Variants in CAMK2D observed in about 807,000 individuals in gnomAD.
CAMK2D encodes calcium/calmodulin-dependent protein kinase type II subunit delta.
A neutral mutation model predicts 84.0 loss-of-function variants in CAMK2D; 37 were observed. The ratio of observed to expected loss-of-function variants is 0.44; its 90% CI spans 0.34 to 0.58. The LOEUF (loss-of-function observed/expected upper bound fraction) is 0.58. Ranked by LOEUF, CAMK2D falls within the 20% of genes least tolerant of loss-of-function variation. The probability of loss-of-function intolerance (pLI) is 0.02; values close to 1 mark genes in which losing one functional copy is unlikely to be tolerated. For missense variants in CAMK2D, 448 were observed against 652.5 expected (o/e 0.69, Z 3.41); for synonymous variants, 202 against 212.5 (o/e 0.95, Z 0.43).
intron 2 of CAMK2D, chr4:113,679,570 T>C (rs533349168): frequency 7.2e-6 from 3 of 414,212 alleles, no homozygotes; most frequent in Admixed American, 6.4e-5. Context: ...TAACCATGGG[T>C]AGAGAAAAAG....
chr4:113,579,199 G>C lies in CAMK2D; in HGVS notation c.276-27103C>G, dbSNP rs546653810. ...ATTTTTCTGTAAGCAGAAATGGCTA[G>C]ACAGGTGCTATATTATAGTTGAGTC... On this transcript the variant is annotated intron_variant, in intron 4 of 20. Transcript: ENST00000511664. Among the ~76,000 whole-genome samples, 39 of 152,322 alleles carry C rather than the reference G, an allele frequency of 2.6e-4. 2 individuals are homozygous for C. The highest frequency in any genetic ancestry group is 9.4e-4 in the African/African-American group (39 of 41,562).
intron 3 of CAMK2D, among the ~76,000 whole-genome samples, chr4:113,631,327 A>T (rs2154286858): frequency 6.6e-6 from 1 of 152,320 alleles, no homozygotes; most frequent in East Asian, 1.9e-4. Flanking sequence ...AGCCTGGGCA[A>T]CATGGCAAAA....
chr4:113,597,407 T>A (rs2098932187), intron 4 of CAMK2D, among the ~76,000 whole-genome samples: 1 of 152,234 alleles, frequency 6.6e-6, no homozygotes, highest in Non-Finnish European at 1.5e-5. Context: ...CTGCGCTTTT[T>A]TGTTATGGAC....
chr4:113,628,163 T>C (rs1030081363), intron 3 of CAMK2D, among the ~76,000 whole-genome samples: 2 of 152,206 alleles, frequency 1.3e-5, no homozygotes, highest in African/African-American at 4.8e-5. Context: ...ATCTACTTTA[T>C]AAGTTTGCAT....
intron 4 of CAMK2D, among the ~76,000 whole-genome samples, chr4:113,577,367 G>A (rs1037031106): frequency 1.3e-5 from 2 of 151,996 alleles, no homozygotes; most frequent in Non-Finnish European, 2.9e-5. Context: ...CATATTTTGG[G>A]TTCTCTATTC....
chr4:113,527,874 T>C (rs1409471497), intron 8 of CAMK2D, among the ~76,000 whole-genome samples: 1 of 152,170 alleles, frequency 6.6e-6, no homozygotes, highest in Non-Finnish European at 1.5e-5. Context: ...ATCTATCACC[T>C]CACTTGTCTA....
chr4:113,739,530 A>G (rs1381588264), intron 2 of CAMK2D, among the ~76,000 whole-genome samples: 1 of 152,186 alleles, frequency 6.6e-6, no homozygotes, highest in Non-Finnish European at 1.5e-5. Flanking sequence ...ATCTACATCA[A>G]TAGTCTAAAA....
chr4:113,553,176 T>C (rs914317421), intron 4 of CAMK2D, among the ~76,000 whole-genome samples: 11 of 152,128 alleles, frequency 7.2e-5, no homozygotes, highest in African/African-American at 2.7e-4. Flanking sequence ...GCAATTCCCC[T>C]CCCAGTTTAT....
At position 113,744,132 on chromosome 4, in the gene CAMK2D, A is replaced by G. The variant is rs1459247449; in HGVS notation, c.160+15188T>C. Among the ~76,000 whole-genome samples, 4 of 152,036 alleles carry G rather than the reference A, an allele frequency of 2.6e-5. No homozygotes were observed. The East Asian group carries it at 7.7e-4, about 29-fold the overall frequency. The stretch of plus-strand genomic sequence containing the variant: ...TGGGATTACAGGCGTGAGCCACCAC[A>G]CCCAGCCCCCTATTTTGTTAAACAA... On this transcript the variant is annotated intron_variant, in intron 2 of 20. Coordinates refer to ENST00000511664, the MANE Select transcript of CAMK2D (RefSeq NM_001321571.2).
At chr4:113,466,857 A>C (rs1161584656) in intron 16 of CAMK2D, among the ~76,000 whole-genome samples, 1 of 152,224 alleles carries the variant, frequency 6.6e-6, no homozygotes, top group Admixed American at 6.5e-5. Context: ...CTTTAGTTTA[A>C]AACACATTAT....
intron 6 of CAMK2D, among the ~76,000 whole-genome samples, chr4:113,542,753 C>T (rs974534184): frequency 2.6e-5 from 4 of 152,108 alleles, no homozygotes; most frequent in African/African-American, 4.8e-5. Flanking sequence ...TTCTCATCTC[C>T]CCCCTTCCCT....
intron 2 of CAMK2D, among the ~76,000 whole-genome samples, chr4:113,741,902 C>T (rs991335652): frequency 1.3e-5 from 2 of 152,148 alleles, no homozygotes; most frequent in East Asian, 1.9e-4. Context: ...GTTCTTTCTT[C>T]GTATTTTCTC....
intron 2 of CAMK2D, among the ~76,000 whole-genome samples, chr4:113,701,357 T>G (rs1289588448): frequency 1.3e-5 from 2 of 152,212 alleles, no homozygotes; most frequent in Non-Finnish European, 2.9e-5. Flanking sequence ...CCATTGAAGG[T>G]TGGATTCTCC....
At position 113,451,256 on chromosome 4, in the gene CAMK2D, C is replaced by T. The variant is rs1035477103; in HGVS notation, c.*3289G>A. The T allele has an allele frequency of 4.6e-5, 7 of 152,168 alleles. No homozygotes were observed. The highest frequency in any genetic ancestry group is 7.4e-5 in the Non-Finnish European group (5 of 68,026). The allele number at this position is 152,168 out of a possible 1,614,324, so 9.4% of individuals were successfully genotyped here. A position where few individuals can be genotyped will look rare whatever the true frequency, so the allele number is the denominator to read the frequency against. ...GGTGTCTCTCAGCCTTCTGCTGAGA[C>T]ATTTGAGTCCGAGTATATCCTCAGC... is the stretch of plus-strand genomic sequence containing the variant. On this transcript the variant is annotated 3_prime_UTR_variant, in exon 21 of 21. Coordinates refer to ENST00000511664, the MANE Select transcript of CAMK2D (RefSeq NM_001321571.2).
At chr4:113,690,686 G>C (rs532260022) in intron 2 of CAMK2D, among the ~76,000 whole-genome samples, 1 of 152,244 alleles carries the variant, frequency 6.6e-6, no homozygotes, top group East Asian at 1.9e-4. Flanking sequence ...AATATCTCAT[G>C]CTTTCTTACT....
chr4:113,463,714 G>A (rs2097421626), intron 17 of CAMK2D, among the ~76,000 whole-genome samples: 1 of 152,142 alleles, frequency 6.6e-6, no homozygotes, highest in Non-Finnish European at 1.5e-5. Flanking sequence ...TAATAATTAT[G>A]TACATAGTCT....
intron 2 of CAMK2D, among the ~76,000 whole-genome samples, chr4:113,716,031 CT>C (rs979332630): frequency 1.8e-4 from 28 of 152,266 alleles, no homozygotes; most frequent in Admixed American, 1.2e-3. Flanking sequence ...TACTAGGCTT[CT>C]AAGTATGTAT....
At chr4:113,466,693 T>C (rs916875395) in intron 16 of CAMK2D, among the ~76,000 whole-genome samples, 28 of 152,192 alleles carry the variant, frequency 1.8e-4, no homozygotes, top group African/African-American at 5.5e-4. Context: ...TAGCCCATAA[T>C]TGGTGAAATT....
intron 8 of CAMK2D, among the ~76,000 whole-genome samples, chr4:113,518,942 T>C (rs2098322386): frequency 6.6e-6 from 1 of 151,990 alleles, no homozygotes; most frequent in Non-Finnish European, 1.5e-5. Context: ...TAAAAAATTT[T>C]AAACAACATT....
Sources: allele counts gnomAD v4.1 joint callset (sites outside exome capture counted in the v4.1 genomes callset), GRCh38; gene constraint gnomAD v4.1.1; transcripts MANE v1.5; gene names NCBI Gene and HGNC (gene_info 2026-07-23, HGNC 2026-07-21).